DST: variants seen among roughly 807,000 people sequenced by gnomAD.
The protein encoded by DST is bullous pemphigoid antigen.
In DST, 253 loss-of-function variants were observed where a neutral mutation model predicts 875.2. The observed-to-expected ratio is 0.29, with a 90% CI of 0.26 to 0.32. DST has a LOEUF of 0.32. DST is among the 10% of genes least tolerant of loss of function. The probability of loss-of-function intolerance (pLI) is 1.00; values close to 1 mark genes in which losing one functional copy is unlikely to be tolerated. For missense variants in DST, 8,287 were observed against 9,111.6 expected (o/e 0.91, Z 3.68); for synonymous variants, 3,124 against 3,197.1 (o/e 0.98, Z 0.77).
intron 9 of DST, among the ~76,000 whole-genome samples, chr6:56,697,012 C>T (rs1316144617): frequency 4.6e-5 from 7 of 152,016 alleles, no homozygotes; most frequent in Admixed American, 4.6e-4. Context: ...ATATCTGTAC[C>T]TCTGGCTTCT....
intron 51 of DST, among the ~76,000 whole-genome samples, 189 bp from the exon 52 acceptor site, chr6:56,573,253 G>A (rs1425458208): frequency 6.6e-6 from 1 of 152,190 alleles, no homozygotes; most frequent in East Asian, 1.9e-4. Context: ...CTCTGAGAGA[G>A]TGAAGAACAG....
intron 5 of DST, among the ~76,000 whole-genome samples, chr6:56,711,951 C>A (rs1032469620): frequency 6.6e-6 from 1 of 151,116 alleles, no homozygotes; most frequent in East Asian, 1.9e-4. Context: ...ATTAGCCGGG[C>A]GTAGTGGCGG....
chr6:56,548,528 T>G (rs1032635017), intron 61 of DST, among the ~76,000 whole-genome samples: 1 of 152,240 alleles, frequency 6.6e-6, no homozygotes, highest in African/African-American at 2.4e-5. Flanking sequence ...AATAATGTGT[T>G]AATATTAATG....
At chr6:56,609,382 A>G in intron 39 of DST, 38 bp from the exon 40 acceptor site, 2 of 1,457,880 alleles carry the variant, frequency 1.4e-6, no homozygotes, top group Non-Finnish European at 1.9e-6. Context: ...TCACTCTGTT[A>G]CACAAGGGTG....
intron 61 of DST, among the ~76,000 whole-genome samples, chr6:56,551,646 C>A (rs964155372): frequency 1.3e-5 from 2 of 152,118 alleles, no homozygotes; most frequent in East Asian, 3.8e-4. Context: ...ACCTCTAATC[C>A]TCTGGGGCAT....
chr6:56,825,039 G>A (rs554813562), intron 4 of DST, among the ~76,000 whole-genome samples: 3 of 152,334 alleles, frequency 2.0e-5, no homozygotes, highest in East Asian at 1.9e-4. Flanking sequence ...TGACAATGGC[G>A]GTTTTGTGGA....
intron 4 of DST, among the ~76,000 whole-genome samples, chr6:56,783,636 T>A (rs2099699011): frequency 1.3e-5 from 2 of 151,998 alleles, no homozygotes; most frequent in Non-Finnish European, 1.5e-5. Flanking sequence ...GTGAGATGGG[T>A]TTCCTGAATA....
At chr6:56,529,922 C>T (rs1291576226) in intron 65 of DST, 52 bp downstream of exon 65, 1 of 1,595,812 alleles carries the variant, frequency 6.3e-7, no homozygotes, top group African/African-American at 1.3e-5. Flanking sequence ...ATTTATGTCA[C>T]AAAACCACAC....
chr6:56,911,192 AG>A (rs1298275635), intron 2 of DST, among the ~76,000 whole-genome samples: 1 of 152,180 alleles, frequency 6.6e-6, no homozygotes, highest in Non-Finnish European at 1.5e-5. Context: ...GCTGCAAGGG[AG>A]GAAGGGAAGG....
rs1562343147 is a variant in DST, at chr6:56,493,033, G to A, written c.20451C>T (p.Asp6817=). The change falls in exon 84 of 104, where the codon GAC becomes GAT. Residue 6817 remains aspartate (D), a synonymous_variant. Coordinates refer to ENST00000680361, the MANE Select transcript of DST (RefSeq NM_001374736.1). ...CAGCCTGAGTAAGCCAGTTGATGAA[G>A]TCTTGGAGAGAATTGTGGAACTCCA... ...LAMEFHNSLQ[D]FINWLTQAEQ... The A allele has an allele frequency of 1.5e-5, 24 of 1,612,802 alleles. No individual in the cohort carries two copies. The highest frequency in any genetic ancestry group is 1.9e-5 in the Non-Finnish European group (22 of 1,179,446).
chr6:56,502,552 C>T (rs2096169081), intron 78 of DST, among the ~76,000 whole-genome samples: 1 of 151,896 alleles, frequency 6.6e-6, no homozygotes, highest in African/African-American at 2.4e-5. Flanking sequence ...GGCCATATGC[C>T]CTAAGTGGGT....
rs1478133723 is a variant in DST at position 56,943,583 on chromosome 6, G to A, written c.216+10202C>T. Among the ~76,000 whole-genome samples the A allele has an allele frequency of 4.9e-5, 7 of 143,246 alleles. No individual in the cohort carries two copies. In the East Asian group the frequency reaches 1.3e-3, roughly 26 times the overall value. The allele number at this position is 143,246 out of a possible 152,430, so 94.0% of individuals were successfully genotyped here. On this transcript the variant is annotated intron_variant, in intron 2 of 103. Transcript: ENST00000680361. ...AAGTAGCTGGGATTACAGGGGGCCCGCCACCACACCTGGCTGATTTTGTAT... is the reference window on the plus strand; with the variant it reads ...AAGTAGCTGGGATTACAGGGGGCCCACCACCACACCTGGCTGATTTTGTAT...
intron 4 of DST, among the ~76,000 whole-genome samples, chr6:56,832,193 T>C (rs1445670822): frequency 1.3e-5 from 2 of 152,206 alleles, no homozygotes; most frequent in Non-Finnish European, 2.9e-5. Context: ...TTAGAGCTTC[T>C]GAGATTGTTT....
chr6:56,459,018 G>T lies in DST; in HGVS notation c.23444C>A (p.Ser7815Tyr). Residue 7815 changes from serine to tyrosine, a missense_variant, in exon 104 of 104, where the codon TCC (serine) becomes TAC (tyrosine). By Grantham distance (144) the Ser-to-Tyr change is moderately radical (BLOSUM62 -2). Transcript: ENST00000680361. The part of the protein sequence containing the change: ...RKSPASKLDK[S>Y]SKR Reference sequence around the variant, plus strand: ...GAACCAATTGCACTATCTCTTTGAGGACTTGTCCAATTTGCTGGCAGGTGA... The same window carrying T: ...GAACCAATTGCACTATCTCTTTGAGTACTTGTCCAATTTGCTGGCAGGTGA... 6.2e-7 allele frequency: 1 copy of T among 1,611,470 alleles called. No homozygotes were observed. Among genetic ancestry groups the T allele is most frequent in the South Asian group, 1.1e-5 (1 of 90,862 alleles).
intron 4 of DST, among the ~76,000 whole-genome samples, chr6:56,808,845 A>T (rs998118818): frequency 6.6e-6 from 1 of 152,208 alleles, no homozygotes; most frequent in African/African-American, 2.4e-5. Flanking sequence ...ACCTGCTGGT[A>T]TTCTGTGTTT....
At chr6:56,811,183 CAAAAAAAAAAAAAAAAA>C (rs371256050) in intron 4 of DST, among the ~76,000 whole-genome samples, 2 of 33,328 alleles carry the variant, frequency 6.0e-5, no homozygotes, top group African/African-American at 2.3e-4. Flanking sequence ...GACCCTGTCT[CAAAAAAAAAAAAAAAAA>C]AAAAAAAAAA....
At chr6:56,769,300 T>C (rs1320387888) in intron 4 of DST, among the ~76,000 whole-genome samples, 2 of 152,226 alleles carry the variant, frequency 1.3e-5, no homozygotes, top group African/African-American at 4.8e-5. Flanking sequence ...CACCAGACGC[T>C]GGCAAGGAGG....
rs1562277559 is a variant in DST, at chr6:56,482,778, C to G, written c.21307G>C (p.Val7103Leu). The G allele has an allele frequency of 6.2e-7, 1 of 1,613,832 alleles. No individual in the cohort carries two copies. The highest frequency in any genetic ancestry group is 8.5e-7 in the Non-Finnish European group (1 of 1,179,800). Residue 7103 changes from valine (V) to leucine (L), a missense_variant, in exon 89 of 104, where the codon GTC becomes CTC. Around this residue, in one of 10 missense-constraint regions of DST, gnomAD observed 1,292 missense variants for 1,552.7 expected, o/e 0.83. Coordinates refer to ENST00000680361, the MANE Select transcript of DST (RefSeq NM_001374736.1). ...CTTAATTCCTGCATCTGGACCTTGA[C>G]CCAGGAGGAGTCATCCCGACTGCCT... ...IEGSRDDSSW[V>L]KVQMQELSTR... is the part of the protein sequence containing the mutation.
In DST at chr6:56,606,397, T is replaced by C. The variant is rs374296980; in HGVS notation, c.8231A>G (p.Tyr2744Cys). The C allele has an allele frequency of 2.0e-5, 32 of 1,613,252 alleles. No individual in the cohort carries two copies. The highest frequency in any genetic ancestry group is 2.6e-5 in the Non-Finnish European group (31 of 1,179,556). Residue 2744 changes from tyrosine (Y) to cysteine (C), a missense_variant, in exon 40 of 104, where the codon TAT becomes TGT. Physicochemically the swap from Tyr to Cys is radical, Grantham distance 194. This residue lies in a region of DST where 3,138 missense variants were observed against 3,116.6 expected (regional missense o/e 1.01). Coordinates refer to ENST00000680361, the MANE Select transcript of DST (RefSeq NM_001374736.1). ...EGDESDSLTDYDIVGGKESFT... is the reference protein window; with the variant it reads ...EGDESDSLTDCDIVGGKESFT... ...GCTCTCTTTTCCTCCTACAATATCA[T>C]AATCAGTCAATGAGTCAGATTCATC...
Sources: allele counts gnomAD v4.1 joint callset (sites outside exome capture counted in the v4.1 genomes callset), GRCh38; gene constraint gnomAD v4.1.1; regional missense constraint gnomAD v4.1.1; transcripts MANE v1.5; gene names NCBI Gene and HGNC (gene_info 2026-07-23, HGNC 2026-07-21).